CTNNA2: variants seen among roughly 807,000 people sequenced by gnomAD.
CTNNA2 encodes catenin alpha 2.
In CTNNA2, 42 loss-of-function variants were observed where a neutral mutation model predicts 101.0. The observed-to-expected ratio is 0.42, with a 90% CI of 0.32 to 0.54. CTNNA2 has a LOEUF of 0.54. Among genes scored for constraint, CTNNA2 ranks in the 20% least tolerant of loss-of-function variants. The pLI, the probability that CTNNA2 is intolerant of heterozygous loss-of-function variation, is 0.14. For missense variants in CTNNA2, 871 were observed against 1,223.1 expected (o/e 0.71, Z 4.29); for synonymous variants, 450 against 456.4 (o/e 0.99, Z 0.18).
At chr2:80,567,961 T>G (rs898912407) in intron 12 of CTNNA2, among the ~76,000 whole-genome samples, 40 of 152,302 alleles carry the variant, frequency 2.6e-4, no homozygotes, top group African/African-American at 9.1e-4. Flanking sequence ...TTCTCTATGC[T>G]CCATAATAAA....
chr2:79,609,494 A>G (rs1678125109), intron 1 of CTNNA2, among the ~76,000 whole-genome samples: 1 of 152,092 alleles, frequency 6.6e-6, no homozygotes, highest in Non-Finnish European at 1.5e-5. Flanking sequence ...ATGCAAAAAT[A>G]ACTTCGGAAA....
At position 80,224,159 on chromosome 2, in the gene CTNNA2, G is replaced by C. The variant is rs1233814540; in HGVS notation, c.1057-169052G>C. On this transcript the variant is annotated intron_variant, in intron 7 of 18. Coordinates refer to ENST00000402739, the MANE Select transcript of CTNNA2 (RefSeq NM_001282597.3). The stretch of plus-strand genomic sequence containing the variant: ...CTTAGGATCCTGCTCATATCATAAA[G>C]AATACAGAAAGAAGGACACTCTCAA... Among the ~76,000 whole-genome samples the C allele has an allele frequency of 2.0e-5, 3 of 152,134 alleles. No homozygotes were observed. In the East Asian group the frequency reaches 5.8e-4, roughly 29 times the overall value.
intron 4 of CTNNA2, among the ~76,000 whole-genome samples, chr2:79,865,371 A>G (rs1681987005): frequency 6.6e-6 from 1 of 152,200 alleles, no homozygotes. Flanking sequence ...TCCTATTTCC[A>G]AGATAGTTAT....
chr2:79,326,887 G>A (rs1471549292), intron 3 of CTNNA2, among the ~76,000 whole-genome samples: 2 of 152,150 alleles, frequency 1.3e-5, no homozygotes, highest in Admixed American at 6.6e-5. Context: ...ATAATCAATT[G>A]AGGGGTCTCC....
intron 9 of CTNNA2, among the ~76,000 whole-genome samples, chr2:80,449,976 A>T (rs946586405): frequency 2.0e-5 from 3 of 152,238 alleles, no homozygotes; most frequent in African/African-American, 7.2e-5. Flanking sequence ...AATTTCCTGG[A>T]AAATTTGAAG....
chr2:80,536,326 T>C (rs1251141305), intron 9 of CTNNA2, among the ~76,000 whole-genome samples: 1 of 152,204 alleles, frequency 6.6e-6, no homozygotes, highest in East Asian at 1.9e-4. Context: ...CATGACTGAC[T>C]ATAAATTCAA....
chr2:80,170,402 C>A (rs73938221), intron 7 of CTNNA2, among the ~76,000 whole-genome samples: 2,310 of 152,248 alleles, frequency 0.015, 60 homozygotes, highest in African/African-American at 0.053. Context: ...GTCACCTGAT[C>A]TAGGTTTTCT....
intron 7 of CTNNA2, among the ~76,000 whole-genome samples, chr2:79,975,801 C>T (rs1308520434): frequency 1.3e-5 from 2 of 152,218 alleles, no homozygotes; most frequent in East Asian, 3.8e-4. Context: ...TCTGTAGGCG[C>T]ACCACCCTCC....
chr2:79,372,454 T>C (rs1253544518), intron 3 of CTNNA2, among the ~76,000 whole-genome samples: 1 of 152,158 alleles, frequency 6.6e-6, no homozygotes, highest in Non-Finnish European at 1.5e-5. Flanking sequence ...TCTGTGTATA[T>C]CCTACTCGAG....
In CTNNA2 at chr2:80,619,246, C is replaced by T. The variant is rs1699107795; in HGVS notation, c.2574+18C>T. ...CCTCCATGGTGAGTAAATTGACTTT[C>T]TAATCTAATGTCTTTCATTGTAATC... is the stretch of plus-strand genomic sequence containing the variant. On this transcript the variant is annotated intron_variant, in intron 18 of 18. Coordinates refer to ENST00000402739, the MANE Select transcript of CTNNA2 (RefSeq NM_001282597.3). The T allele has an allele frequency of 6.6e-7, 1 of 1,516,952 alleles. No individual in the cohort carries two copies. Among genetic ancestry groups the T allele is most frequent in the Non-Finnish European group, 8.9e-7 (1 of 1,129,436 alleles). 94.0% of individuals were successfully genotyped at this position (1,516,952 alleles called of 1,614,324 possible).
At chr2:79,294,933 A>G (rs1259976215) in intron 2 of CTNNA2, among the ~76,000 whole-genome samples, 1 of 152,028 alleles carries the variant, frequency 6.6e-6, no homozygotes, top group Non-Finnish European at 1.5e-5. Context: ...CTGATTTGCT[A>G]TTGTATACAA....
chr2:79,541,303 C>A (rs1673393464), intron 1 of CTNNA2, among the ~76,000 whole-genome samples: 2 of 146,274 alleles, frequency 1.4e-5, no homozygotes, highest in South Asian at 4.4e-4. Context: ...AATTTTGGAG[C>A]TCTTATATGT....
chr2:79,850,971 G>C (rs1680654897), intron 3 of CTNNA2, among the ~76,000 whole-genome samples: 1 of 152,298 alleles, frequency 6.6e-6, no homozygotes, highest in Admixed American at 6.5e-5. Context: ...CCCCCTTGCT[G>C]CTGGAACCAT....
chr2:79,519,502 A>T (rs886862559), intron 1 of CTNNA2, among the ~76,000 whole-genome samples: 11 of 151,902 alleles, frequency 7.2e-5, no homozygotes, highest in African/African-American at 2.7e-4. Flanking sequence ...TAAGCCTCAA[A>T]CTCTCCAACA....
rs190480312 is a variant in CTNNA2 at position 80,283,990 on chromosome 2, C to G, written c.1057-109221C>G. On this transcript the variant is annotated intron_variant, in intron 7 of 18. Transcript: ENST00000402739. ...TATTTGACTTGTATTATCTCAATTC[C>G]CTTGACCATGAACAATTAGTGTGAG... 2.1e-3 allele frequency among the ~76,000 whole-genome samples: 323 copies of G among 152,236 alleles called. 2 individuals carry two copies. The highest frequency in any genetic ancestry group is 7.3e-3 in the African/African-American group (305 of 41,546).
rs145317335 is a variant in CTNNA2, at chr2:79,888,674, C to T, written c.852+14332C>T. ...TAATCAAAATTATTATATTTCCAAT[C>T]TTGGGTTATTTCTTGAGGCAGCGAA... On this transcript the variant is annotated intron_variant, in intron 6 of 18. Coordinates refer to ENST00000402739, the MANE Select transcript of CTNNA2 (RefSeq NM_001282597.3). Among the ~76,000 whole-genome samples the T allele has an allele frequency of 3.3e-3, 502 of 152,152 alleles. 2 individuals carry two copies. The highest frequency in any genetic ancestry group is 4.8e-3 in the Non-Finnish European group (325 of 67,996).
intron 9 of CTNNA2, among the ~76,000 whole-genome samples, chr2:80,457,657 A>G (rs895297815): frequency 6.6e-6 from 1 of 152,136 alleles, no homozygotes; most frequent in Non-Finnish European, 1.5e-5. Flanking sequence ...GACTCAGCAC[A>G]TAGTAGATTT....
chr2:79,960,354 C>T (rs1435219194), intron 7 of CTNNA2, among the ~76,000 whole-genome samples: 2 of 152,158 alleles, frequency 1.3e-5, no homozygotes, highest in African/African-American at 4.8e-5. Flanking sequence ...CAAGGAAACA[C>T]AATATTGTTT....
intron 9 of CTNNA2, among the ~76,000 whole-genome samples, chr2:80,448,991 G>T (rs115684723): frequency 0.011 from 1,707 of 152,224 alleles, 31 homozygotes; most frequent in African/African-American, 0.039. Flanking sequence ...GATGCTAGGG[G>T]TCATGCTTTC....
Sources: gnomAD v4.1 joint callset for allele counts (sites outside exome capture counted in the v4.1 genomes callset) on GRCh38, gnomAD v4.1.1 for gene constraint, MANE v1.5 for transcripts, NCBI Gene and HGNC (gene_info 2026-07-23, HGNC 2026-07-21) for gene names.